DOCK4: variants seen among roughly 807,000 people sequenced by gnomAD.
The protein encoded by DOCK4 is dedicator of cytokinesis 4.
In DOCK4, 97 loss-of-function variants were observed where a neutral mutation model predicts 268.1. That is an observed-to-expected ratio of 0.36 (90% CI 0.31 to 0.43). The LOEUF (loss-of-function observed/expected upper bound fraction) is 0.43. Ranked by LOEUF, DOCK4 falls within the 20% of genes least tolerant of loss-of-function variation. The pLI, the probability that DOCK4 is intolerant of heterozygous loss-of-function variation, is 1.00. For synonymous variants in DOCK4, 954 were observed against 887.2 expected (o/e 1.08, Z -1.34); for missense variants, 2,145 against 2,455.7 (o/e 0.87, Z 2.67).
At chr7:111,889,816 T>G (rs1459795140) in intron 16 of DOCK4, among the ~76,000 whole-genome samples, 1 of 152,186 alleles carries the variant, frequency 6.6e-6, no homozygotes, top group Non-Finnish European at 1.5e-5. Flanking sequence ...TTGGCTGACT[T>G]TGTACCTGGC....
chr7:112,196,738 G>T (rs560055834), intron 1 of DOCK4, among the ~76,000 whole-genome samples: 1 of 151,984 alleles, frequency 6.6e-6, no homozygotes, highest in African/African-American at 2.4e-5. Flanking sequence ...CCACCAATAG[G>T]TTTTTTTCTC....
chr7:112,146,745 T>C (rs913341166), intron 1 of DOCK4, among the ~76,000 whole-genome samples: 3 of 152,094 alleles, frequency 2.0e-5, no homozygotes, highest in African/African-American at 7.2e-5. Context: ...AAAAGTACTT[T>C]GGCAGAGGAA....
chr7:111,849,204 C>G (rs889645078), intron 23 of DOCK4, among the ~76,000 whole-genome samples: 15 of 151,620 alleles, frequency 9.9e-5, no homozygotes, highest in Non-Finnish European at 2.2e-4. Context: ...ATCTCACACT[C>G]AAGACCCTTA....
chr7:112,141,554 A>T (rs573065153), intron 1 of DOCK4, among the ~76,000 whole-genome samples: 1 of 152,176 alleles, frequency 6.6e-6, no homozygotes, highest in Non-Finnish European at 1.5e-5. Context: ...CAAGACTCCA[A>T]CATCAACTCC....
chr7:112,014,687 T>A (rs758646509), intron 1 of DOCK4, among the ~76,000 whole-genome samples: 1 of 152,166 alleles, frequency 6.6e-6, no homozygotes, highest in Non-Finnish European at 1.5e-5. Flanking sequence ...TGGAAAAAAA[T>A]TAAGCCCACT....
In DOCK4 at chr7:112,105,352, T is replaced by A. The variant is rs534399910; in HGVS notation, c.37+100750A>T. On this transcript the variant is annotated intron_variant, in intron 1 of 52. Transcript: ENST00000428084. ...CCTTTAAAAATAAAAAGTACATTTT[T>A]AAAAAATAGTAGCCACCACAAGATA... is the stretch of plus-strand genomic sequence containing the variant. 3.3e-5 allele frequency among the ~76,000 whole-genome samples: 5 copies of A among 152,206 alleles called. No homozygotes were observed. The East Asian group carries it at 7.7e-4, about 24-fold the overall frequency.
At chr7:112,127,885 C>T (rs1369751317) in intron 1 of DOCK4, among the ~76,000 whole-genome samples, 1 of 152,046 alleles carries the variant, frequency 6.6e-6, no homozygotes, top group Non-Finnish European at 1.5e-5. Context: ...AAAAATTAGT[C>T]GGGCATGGTG....
At chr7:111,895,583 G>A in intron 16 of DOCK4, 29 bp downstream of exon 16, 1 of 1,586,952 alleles carries the variant, frequency 6.3e-7, no homozygotes, top group Non-Finnish European at 8.7e-7. Flanking sequence ...GTTTTTTACT[G>A]CCCATCGCCA....
intron 48 of DOCK4, 62 bp downstream of exon 48, chr7:111,739,334 C>T: frequency 1.3e-6 from 2 of 1,596,594 alleles, no homozygotes; most frequent in East Asian, 2.2e-5. Context: ...CAGCTGGCCA[C>T]AGTTCCCAGG....
In DOCK4 at chr7:111,952,287, T is replaced by C. The variant is rs545837131; in HGVS notation, c.702-6489A>G. ...ATGACAAGTGTGTTTCACAGCATAG[T>C]GTGGTAGAAATGTTCTTCCTGGTCA... On this transcript the variant is annotated intron_variant, in intron 8 of 52. Coordinates refer to ENST00000428084, the MANE Select transcript of DOCK4 (RefSeq NM_001363540.2). Among the ~76,000 whole-genome samples, 6 of 152,214 alleles carry C rather than the reference T, an allele frequency of 3.9e-5. No individual in the cohort carries two copies. The East Asian group carries it at 1.2e-3, about 29-fold the overall frequency.
At chr7:111,995,432 T>C (rs918036664) in intron 4 of DOCK4, among the ~76,000 whole-genome samples, 5 of 88,154 alleles carry the variant, frequency 5.7e-5, no homozygotes, top group African/African-American at 2.3e-4. Context: ...TGTGTGTGTG[T>C]GTGTGTGTGT....
intron 1 of DOCK4, among the ~76,000 whole-genome samples, chr7:112,007,511 T>C (rs1475558400): frequency 1.3e-5 from 2 of 152,170 alleles, no homozygotes; most frequent in African/African-American, 2.4e-5. Context: ...CTTTATCTTC[T>C]AAAATGGCAA....
chr7:111,739,326 G>A (rs781581517), intron 48 of DOCK4, 70 bp downstream of exon 48: 1 of 1,586,722 alleles, frequency 6.3e-7, no homozygotes, highest in Non-Finnish European at 8.6e-7. Context: ...ACGTGTGGCA[G>A]CTGGCCACAG....
intron 39 of DOCK4, among the ~76,000 whole-genome samples, chr7:111,762,638 T>C (rs1017908741): frequency 1.1e-4 from 17 of 152,112 alleles, no homozygotes; most frequent in African/African-American, 3.9e-4. Flanking sequence ...TTATGAATAA[T>C]GCTGCTATGA....
chr7:112,051,956 T>A (rs529677565), intron 1 of DOCK4, among the ~76,000 whole-genome samples: 1 of 152,312 alleles, frequency 6.6e-6, no homozygotes, highest in East Asian at 1.9e-4. Context: ...TCCCTCGGTA[T>A]CTGTGGGGGA....
At chr7:111,957,112 A>T (rs1195232577) in intron 8 of DOCK4, among the ~76,000 whole-genome samples, 1 of 152,174 alleles carries the variant, frequency 6.6e-6, no homozygotes, top group African/African-American at 2.4e-5. Flanking sequence ...TTATGAGAAC[A>T]GGTATATTAT....
intron 25 of DOCK4, among the ~76,000 whole-genome samples, chr7:111,837,941 C>G (rs1355019107): frequency 6.6e-6 from 1 of 151,768 alleles, no homozygotes; most frequent in African/African-American, 2.4e-5. Context: ...ACAAAATTAG[C>G]CGGGTGTAGT....
intron 12 of DOCK4, among the ~76,000 whole-genome samples, chr7:111,934,523 GTTTTTTTTTTTTTTT>G (rs1183672033): frequency 1.2e-4 from 10 of 83,836 alleles, no homozygotes; most frequent in South Asian, 1.2e-3. Flanking sequence ...TTTTGTTTTT[GTTTTTTTTTTTTTTT>G]TTTTTTTTTT....
At chr7:111,866,715 G>A (rs1270937355) in intron 22 of DOCK4, among the ~76,000 whole-genome samples, 1 of 152,140 alleles carries the variant, frequency 6.6e-6, no homozygotes, top group East Asian at 1.9e-4. Context: ...AAGAAACCAT[G>A]CCTTACGGTT....
Sources: allele counts gnomAD v4.1 joint callset (sites outside exome capture counted in the v4.1 genomes callset), GRCh38; gene constraint gnomAD v4.1.1; transcripts MANE v1.5; gene names NCBI Gene and HGNC (gene_info 2026-07-23, HGNC 2026-07-21).